ZNF804A: variants seen among roughly 807,000 people sequenced by gnomAD.
The protein encoded by ZNF804A is zinc finger protein 804A.
ZNF804A carries 2 observed loss-of-function variants against 16.5 expected under a neutral mutation model. The observed-to-expected ratio is 0.12, with a 90% CI of 0.05 to 0.38. The LOEUF is 0.38. ZNF804A is among the 10% of genes least tolerant of loss of function. The pLI, the probability that ZNF804A is intolerant of heterozygous loss-of-function variation, is 0.99. For missense variants in ZNF804A, 1,473 were observed against 1,390.7 expected (o/e 1.06, Z -0.94); for synonymous variants, 534 against 489.6 (o/e 1.09, Z -1.20).
intron 1 of ZNF804A, among the ~76,000 whole-genome samples, chr2:184,849,660 A>G (rs566643118): frequency 1.3e-5 from 2 of 152,176 alleles, no homozygotes; most frequent in South Asian, 4.1e-4. Flanking sequence ...TACAGTCACT[A>G]TGGAGGATAG....
chr2:184,659,876 A>T (rs1361541103), intron 1 of ZNF804A, among the ~76,000 whole-genome samples: 1 of 152,232 alleles, frequency 6.6e-6, no homozygotes, highest in Non-Finnish European at 1.5e-5. Flanking sequence ...TAGTCAGATG[A>T]TCTGCAGTTC....
intron 1 of ZNF804A, among the ~76,000 whole-genome samples, chr2:184,780,146 A>G (rs1341310439): frequency 6.6e-6 from 1 of 151,798 alleles, no homozygotes; most frequent in Non-Finnish European, 1.5e-5. Flanking sequence ...ATGAGTAAGA[A>G]CATGCCCAGT....
intron 2 of ZNF804A, among the ~76,000 whole-genome samples, chr2:184,924,381 T>A (rs1685576584): frequency 6.6e-6 from 1 of 151,790 alleles, no homozygotes; most frequent in Non-Finnish European, 1.5e-5. Flanking sequence ...ACTAATAGTC[T>A]TTTAAATTTA....
chr2:184,764,441 G>A (rs1694086332), intron 1 of ZNF804A, among the ~76,000 whole-genome samples: 1 of 151,968 alleles, frequency 6.6e-6, no homozygotes, highest in Non-Finnish European at 1.5e-5. Flanking sequence ...CAATTTCCTT[G>A]AGTAATTAAC....
rs536020070 is a variant in ZNF804A, at chr2:184,793,227, A to G, written c.112-73142A>G. Among the ~76,000 whole-genome samples, 5 of 152,210 alleles carry G rather than the reference A, an allele frequency of 3.3e-5. No homozygotes were observed. In the South Asian group the frequency reaches 1.0e-3, roughly 32 times the overall value. On this transcript the variant is annotated intron_variant, in intron 1 of 3. Transcript: ENST00000302277. ...CTTTGCTATTGTGAATAGCACAGCA[A>G]TGAGCATATGAGTACATGTGTCCTT...
chr2:184,675,068 A>G (rs1360415857), intron 1 of ZNF804A, among the ~76,000 whole-genome samples: 1 of 151,788 alleles, frequency 6.6e-6, no homozygotes, highest in East Asian at 1.9e-4. Context: ...ACATAAATAC[A>G]TGGATGTATG....
intron 2 of ZNF804A, among the ~76,000 whole-genome samples, chr2:184,927,925 C>T (rs1314729884): frequency 6.6e-6 from 1 of 152,074 alleles, no homozygotes; most frequent in Non-Finnish European, 1.5e-5. Flanking sequence ...ATGCAAAAGC[C>T]AAATCCTGGA....
At chr2:184,839,935 T>C (rs1695410036) in intron 1 of ZNF804A, among the ~76,000 whole-genome samples, 2 of 152,166 alleles carry the variant, frequency 1.3e-5, no homozygotes, top group African/African-American at 4.8e-5. Context: ...AACCGACCCC[T>C]TCAACTTGGA....
chr2:184,724,913 GC>G (rs1693382255), intron 1 of ZNF804A, among the ~76,000 whole-genome samples: 1 of 151,748 alleles, frequency 6.6e-6, no homozygotes, highest in African/African-American at 2.4e-5. Flanking sequence ...TAATTTTAAG[GC>G]AGTAGGCTGA....
intron 1 of ZNF804A, among the ~76,000 whole-genome samples, chr2:184,791,200 T>C (rs1694534036): frequency 6.6e-6 from 1 of 152,162 alleles, no homozygotes; most frequent in South Asian, 2.1e-4. Flanking sequence ...ATGTGAGATT[T>C]TGTTACTGAT....
chr2:184,775,185 C>T (rs1694268872), intron 1 of ZNF804A, among the ~76,000 whole-genome samples: 1 of 151,494 alleles, frequency 6.6e-6, no homozygotes, highest in Admixed American at 6.6e-5. Flanking sequence ...GTTTTAAGAT[C>T]TTAGGAGTGT....
At chr2:184,619,692 A>G (rs1300352824) in intron 1 of ZNF804A, among the ~76,000 whole-genome samples, 1 of 151,964 alleles carries the variant, frequency 6.6e-6, no homozygotes, top group East Asian at 1.9e-4. Context: ...TCTAGCCAGA[A>G]GTTATACATG....
intron 1 of ZNF804A, among the ~76,000 whole-genome samples, chr2:184,603,483 T>A (rs576578695): frequency 1.3e-5 from 2 of 152,350 alleles, no homozygotes; most frequent in Non-Finnish European, 2.9e-5. Flanking sequence ...GTTTTCATTA[T>A]TGAATATAAC....
At chr2:184,616,895 G>A (rs1691330768) in intron 1 of ZNF804A, among the ~76,000 whole-genome samples, 1 of 151,986 alleles carries the variant, frequency 6.6e-6, no homozygotes, top group Non-Finnish European at 1.5e-5. Flanking sequence ...GCTGTTCTAG[G>A]CTAAAATACA....
intron 1 of ZNF804A, among the ~76,000 whole-genome samples, chr2:184,687,339 T>C (rs1348701832): frequency 1.3e-5 from 2 of 152,200 alleles, no homozygotes; most frequent in African/African-American, 4.8e-5. Context: ...TGTTAATGTA[T>C]ATATTGCTGG....
chr2:184,713,152 G>A (rs1693156680), intron 1 of ZNF804A, among the ~76,000 whole-genome samples: 1 of 151,634 alleles, frequency 6.6e-6, no homozygotes, highest in Non-Finnish European at 1.5e-5. Flanking sequence ...TTTACAGACT[G>A]GCTTCAATAG....
chr2:184,645,041 T>A (rs1691850360), intron 1 of ZNF804A, among the ~76,000 whole-genome samples: 1 of 152,190 alleles, frequency 6.6e-6, no homozygotes, highest in South Asian at 2.1e-4. Context: ...GGATAATTCC[T>A]AGACACTTTT....
intron 1 of ZNF804A, among the ~76,000 whole-genome samples, chr2:184,673,036 A>G (rs1482760742): frequency 6.6e-6 from 1 of 152,120 alleles, no homozygotes; most frequent in Non-Finnish European, 1.5e-5. Flanking sequence ...TATAAATCTC[A>G]TCATAGGAAA....
chr2:184,723,188 T>G (rs1207211525), intron 1 of ZNF804A, among the ~76,000 whole-genome samples: 1 of 151,814 alleles, frequency 6.6e-6, no homozygotes, highest in Non-Finnish European at 1.5e-5. Context: ...TAATAGAAAC[T>G]TATTCTAAAA....
Sources: allele counts gnomAD v4.1 joint callset (sites outside exome capture counted in the v4.1 genomes callset), GRCh38; gene constraint gnomAD v4.1.1; transcripts MANE v1.5; gene names NCBI Gene and HGNC (gene_info 2026-07-23, HGNC 2026-07-21).